Variants in DST observed in about 807,000 individuals in gnomAD.
DST encodes the protein dystonin, also known as bullous pemphigoid antigen.
A neutral mutation model predicts 875.2 loss-of-function variants in DST; 253 were observed. That is an observed-to-expected ratio of 0.29 (90% CI 0.26 to 0.32). The LOEUF (loss-of-function observed/expected upper bound fraction) is 0.32, where lower values mean the gene tolerates loss of function less well. Ranked by LOEUF, DST falls within the 10% of genes least tolerant of loss-of-function variation. The pLI, the probability that DST is intolerant of heterozygous loss-of-function variation, is 1.00. For synonymous variants in DST, 3,124 were observed against 3,197.1 expected, an observed-to-expected ratio of 0.98 and a Z score of 0.77; for missense variants, 8,287 against 9,111.6, an observed-to-expected ratio of 0.91 and a Z score of 3.68.
intron 9 of DST, among the ~76,000 whole-genome samples, chr6:56,696,059 T>C (rs1388084259): frequency 1.3e-5 from 2 of 152,240 alleles, no homozygotes; most frequent in Non-Finnish European, 2.9e-5. Flanking sequence ...TAGATTTTGG[T>C]CTAATTTATG....
intron 3 of DST, among the ~76,000 whole-genome samples, chr6:56,894,242 G>A (rs1202563248): frequency 3.7e-5 from 1 of 26,832 alleles, no homozygotes; most frequent in East Asian, 1.1e-3. Context: ...CCCCCCCACC[G>A]CCCTCCCGGA....
At chr6:56,672,513 A>G (rs1219253808) in intron 9 of DST, among the ~76,000 whole-genome samples, 1 of 152,192 alleles carries the variant, frequency 6.6e-6, no homozygotes, top group Non-Finnish European at 1.5e-5. Flanking sequence ...GACAAAAAAC[A>G]GCATAAAATT....
intron 67 of DST, among the ~76,000 whole-genome samples, 185 bp downstream of exon 67, chr6:56,528,656 A>T (rs1301423391): frequency 6.6e-6 from 1 of 152,244 alleles, no homozygotes; most frequent in Non-Finnish European, 1.5e-5. Flanking sequence ...AAGTGAGATC[A>T]TGAGAAAAAA....
chr6:56,743,164 T>C (rs1242782679), intron 4 of DST, among the ~76,000 whole-genome samples: 5 of 152,158 alleles, frequency 3.3e-5, no homozygotes, highest in Non-Finnish European at 7.4e-5. Flanking sequence ...AGAACCCTTG[T>C]TCTAAACAAG....
chr6:56,607,741 C>CTATT lies in DST; in HGVS notation c.6883_6886dup (p.Arg2296LysfsTer2). The CTATT allele has an allele frequency of 6.2e-7, 1 of 1,613,498 alleles. No homozygotes were observed. Among genetic ancestry groups the CTATT allele is most frequent in the Non-Finnish European group, 8.5e-7 (1 of 1,179,708 alleles). ...AAATTCTTCATCTATAGCACACTTT[C>CTATT]TATTTTCAGGAGTCTCTTCATGTTC... On this transcript the variant is annotated stop_gained and frameshift_variant, in exon 40 of 104. Transcript: ENST00000680361. LOFTEE classifies it high-confidence loss of function.
Position 56,570,303 on chromosome 6 carries a change from A to T in DST, c.13722-291T>A, listed in dbSNP as rs12201550. On this transcript the variant is annotated intron_variant, in intron 53 of 103. Transcript: ENST00000680361. ...TTATTGTGTGCTTTATTTCTATTAT[A>T]TTTACATTGTAATATATATTAAAAT... 0.38 allele frequency among the ~76,000 whole-genome samples: 57,592 copies of T among 151,888 alleles called. 11,180 individuals are homozygous for T. Among genetic ancestry groups the T allele is most frequent in the Admixed American group, 0.43 (6,484 of 15,246 alleles).
Position 56,629,251 on chromosome 6 carries a change from T to C in DST, c.4474A>G (p.Arg1492Gly), listed in dbSNP as rs771732370. Reference protein sequence around the residue: ...WQNVHVQIDNRLRDLEGIGKS... With the variant: ...WQNVHVQIDNGLRDLEGIGKS... Reference sequence around the variant, plus strand: ...AACTGAACAAAAAAGGATACTAACCTGTTGTCAATCTGCACATGAACATTT... The same window carrying C: ...AACTGAACAAAAAAGGATACTAACCCGTTGTCAATCTGCACATGAACATTT... Residue 1492 changes from arginine (R) to glycine (G), a missense_variant and splice_region_variant, in exon 32 of 104, where the codon AGG becomes GGG. Transcript: ENST00000680361. The C allele has an allele frequency of 5.0e-6, 8 of 1,613,542 alleles. No homozygotes were observed. The highest frequency in any genetic ancestry group is 2.7e-5 in the African/African-American group (2 of 74,924).
rs148867594 is a variant in DST at position 56,602,805 on chromosome 6, A to G, written c.11307+77T>C. The stretch of plus-strand genomic sequence containing the variant: ...AATCCTTTGTAGCCTTAGCAAAGTC[A>G]TATTTTCTAAACACTTGTTATATAT... On this transcript the variant is annotated intron_variant, in intron 43 of 103. Transcript: ENST00000680361. 6.3e-4 allele frequency: 721 copies of G among 1,135,598 alleles called. 7 individuals carry two copies. In the East Asian group the frequency reaches 0.016, roughly 25 times the overall value. The allele number at this position is 1,135,598 out of a possible 1,614,324, so 70.3% of individuals were successfully genotyped here. A position where few individuals can be genotyped will look rare whatever the true frequency, so the allele number is the denominator to read the frequency against.
Position 56,485,474 on chromosome 6 carries a change from A to C in DST, c.21048-3T>G. Reference sequence around the variant, plus strand: ...GGGCTTCCTCCAATTTGTTTTGTCTAGGGAAAAAGGTAGAAAAATTGATCC... The same window carrying C: ...GGGCTTCCTCCAATTTGTTTTGTCTCGGGAAAAAGGTAGAAAAATTGATCC... On this transcript the variant is annotated splice_region_variant and splice_polypyrimidine_tract_variant and intron_variant, in intron 87 of 103. Transcript: ENST00000680361. 6.2e-7 allele frequency: 1 copy of C among 1,612,188 alleles called. No homozygotes were observed.
intron 69 of DST, among the ~76,000 whole-genome samples, chr6:56,524,990 T>C (rs1435141158): frequency 6.6e-6 from 1 of 152,088 alleles, no homozygotes; most frequent in Non-Finnish European, 1.5e-5. Context: ...CCCCCATGCC[T>C]TTGGAAAACA....
rs569520168 is a variant in DST, at chr6:56,704,835, C to T, written c.688-466G>A. On this transcript the variant is annotated intron_variant, in intron 5 of 103. Transcript: ENST00000680361. ...CGTGAGCTGGGTGAAGAGTATGAGA[C>T]TCTACATATTATTTTATCAATATCT... 4.7e-4 allele frequency among the ~76,000 whole-genome samples: 71 copies of T among 152,242 alleles called. 1 individual carries two copies. Among genetic ancestry groups the T allele is most frequent in the African/African-American group, 1.6e-3 (68 of 41,538 alleles).
At chr6:56,548,600 T>C (rs1339155399) in intron 61 of DST, among the ~76,000 whole-genome samples, 2 of 152,146 alleles carry the variant, frequency 1.3e-5, no homozygotes, top group Non-Finnish European at 2.9e-5. Flanking sequence ...CAGATAGGAG[T>C]AGGGATAGAG....
At chr6:56,590,234 T>A (rs145721742) in intron 49 of DST, among the ~76,000 whole-genome samples, 3,809 of 152,314 alleles carry the variant, frequency 0.025, 75 homozygotes, top group Non-Finnish European at 0.042. Context: ...AATTACTAAA[T>A]AGGTTTTTCC....
chr6:56,843,032 G>C (rs1467269682), intron 4 of DST: 2 of 1,433,802 alleles, frequency 1.4e-6, no homozygotes, highest in African/African-American at 1.4e-5. Context: ...AAGCTCCGCA[G>C]CCCCAGGGCA....
intron 85 of DST, among the ~76,000 whole-genome samples, chr6:56,490,281 A>G (rs1473407085): frequency 6.6e-6 from 1 of 152,108 alleles, no homozygotes; most frequent in East Asian, 1.9e-4. Flanking sequence ...CCTTGCAAAC[A>G]TTCTGGTACT....
intron 80 of DST, among the ~76,000 whole-genome samples, chr6:56,498,329 T>C (rs546440878): frequency 6.6e-6 from 1 of 152,194 alleles, no homozygotes; most frequent in South Asian, 2.1e-4. Flanking sequence ...CACACTGCCA[T>C]GGTTGGCTAA....
At chr6:56,767,333 G>A (rs544666547) in intron 4 of DST, among the ~76,000 whole-genome samples, 2 of 151,988 alleles carry the variant, frequency 1.3e-5, no homozygotes, top group Non-Finnish European at 2.9e-5. Flanking sequence ...AAAATAACAA[G>A]TGGCAGGGAG....
chr6:56,607,453 T>G lies in DST; in HGVS notation c.7175A>C (p.Asn2392Thr). 6.2e-7 allele frequency: 1 copy of G among 1,602,870 alleles called. No homozygotes were observed. The change falls in exon 40 of 104, where the codon AAC (asparagine) becomes ACC (threonine). Residue 2392 changes from asparagine to threonine, a missense_variant. By Grantham distance (65) the Asn-to-Thr change is moderately conservative (BLOSUM62 0). Around this residue, in one of 10 missense-constraint regions of DST, gnomAD observed 3,138 missense variants for 3,116.6 expected, o/e 1.01. Coordinates refer to ENST00000680361, the MANE Select transcript of DST (RefSeq NM_001374736.1). ...NECSHSKNIQ[N>T]FPSDLIENPI... ...ATTTTCTATTAAATCACTTGGAAAGTTTTGAATGTTTTTAGAATGACTACA... is the reference window on the plus strand; with the variant it reads ...ATTTTCTATTAAATCACTTGGAAAGGTTTGAATGTTTTTAGAATGACTACA...
rs1426885193 is a variant in DST at position 56,605,981 on chromosome 6, G to A, written c.8647C>T (p.Pro2883Ser). 4 of 1,612,638 alleles carry A rather than the reference G, an allele frequency of 2.5e-6. No homozygotes were observed. The highest frequency in any genetic ancestry group is 3.4e-6 in the Non-Finnish European group (4 of 1,179,240). The change falls in exon 40 of 104, where the codon CCT (proline) becomes TCT (serine). Residue 2883 changes from proline (P) to serine (S), a missense_variant. Around this residue, in one of 10 missense-constraint regions of DST, gnomAD observed 3,138 missense variants for 3,116.6 expected, o/e 1.01. Transcript: ENST00000680361. ...QRVNVVQLAS[P>S]SENNLVTEKS... is the part of the protein sequence containing the mutation. ...TCAGTAACTAAGTTATTTTCACTAG[G>A]TGATGCTAGCTGTACAACATTTACC...
Sources: allele counts gnomAD v4.1 joint callset (sites outside exome capture counted in the v4.1 genomes callset), GRCh38; gene constraint gnomAD v4.1.1; regional missense constraint gnomAD v4.1.1; transcripts MANE v1.5; gene names NCBI Gene and HGNC (gene_info 2026-07-23, HGNC 2026-07-21).